ENO4: variants seen among roughly 807,000 people sequenced by gnomAD.
The protein encoded by ENO4 is 2-phospho-D-glycerate hydro-lyase.
In ENO4, 53 loss-of-function variants were observed where a neutral mutation model predicts 63.2. That is an observed-to-expected ratio of 0.84 (90% CI 0.67 to 1.05). ENO4 has a LOEUF of 1.05. Ranked by LOEUF, ENO4 falls within the 50% of genes least tolerant of loss-of-function variation. ENO4 has a pLI of 0.00. For missense variants in ENO4, 719 were observed against 772.0 expected, an observed-to-expected ratio of 0.93 and a Z score of 0.81; for synonymous variants, 266 against 283.8, an observed-to-expected ratio of 0.94 and a Z score of 0.63.
chr10:116,909,873 G>GT (rs1007707594), intron 10 of ENO4, among the ~76,000 whole-genome samples: 3 of 152,078 alleles, frequency 2.0e-5, no homozygotes, highest in African/African-American at 7.2e-5. Flanking sequence ...CGAACACAGT[G>GT]TTTTTTGGTT....
chr10:116,895,820 T>C (rs959107028), intron 10 of ENO4, among the ~76,000 whole-genome samples: 7 of 152,182 alleles, frequency 4.6e-5, no homozygotes, highest in African/African-American at 9.7e-5. Flanking sequence ...TTTGGGCAAG[T>C]TGTTTACCTC....
At chr10:116,878,740 A>ATAT (rs1554903491) in intron 11 of ENO4, among the ~76,000 whole-genome samples, 1 of 63,576 alleles carries the variant, frequency 1.6e-5, no homozygotes, top group Admixed American at 2.7e-4. Flanking sequence ...CAAATCATAT[A>ATAT]TCTTTTTTTT....
At chr10:116,877,181 G>A (rs1187577726) in intron 11 of ENO4, among the ~76,000 whole-genome samples, 1 of 150,378 alleles carries the variant, frequency 6.6e-6, no homozygotes, top group Non-Finnish European at 1.5e-5. Context: ...GGCAGAACAT[G>A]TGTAGCCTGC....
chr10:116,867,273 G>A (rs908559198), intron 7 of ENO4, among the ~76,000 whole-genome samples: 4 of 152,240 alleles, frequency 2.6e-5, no homozygotes, highest in African/African-American at 9.6e-5. Context: ...TCTTATTAAG[G>A]AAAGATTATA....
Position 116,871,290 on chromosome 10 carries a change from T to C in ENO4, c.1213T>C (p.Tyr405His). 1 of 1,549,234 alleles carries C rather than the reference T, an allele frequency of 6.5e-7. No homozygotes were observed. Among genetic ancestry groups the C allele is most frequent in the Non-Finnish European group, 8.7e-7 (1 of 1,146,212 alleles). The stretch of plus-strand genomic sequence containing the variant: ...CTGTGCTGGACATGAGCTGATGGAC[T>C]ACGTAAGTTTCCACTTCAGAACATT... ...INCAGHELMD[Y>H]NKGKYEVIMG... The change falls in exon 9 of 14, where the codon TAC (tyrosine) becomes CAC (histidine). Residue 405 changes from tyrosine to histidine, a missense_variant and splice_region_variant. Tyr to His is a moderately conservative substitution (Grantham distance 83). Around this residue, in one of 3 missense-constraint regions of ENO4, gnomAD observed 544 missense variants for 583.6 expected, o/e 0.93. Coordinates refer to ENST00000341276, the MANE Select transcript of ENO4 (RefSeq NM_001242699.2).
chr10:116,890,682 G>T (rs1589776536), intron 10 of ENO4, among the ~76,000 whole-genome samples: 1 of 152,204 alleles, frequency 6.6e-6, no homozygotes, highest in Non-Finnish European at 1.5e-5. Flanking sequence ...AAACTTGGGT[G>T]ACCTTTTAGA....
In ENO4 at chr10:116,906,656, C is replaced by T. The variant is rs954569687; in HGVS notation, c.1195-4843C>T. 2.5e-6 allele frequency: 4 copies of T among 1,613,392 alleles called. No homozygotes were observed. The Admixed American group carries it at 5.0e-5, about 20-fold the overall frequency. ...GCTATCTGCTTCTGCTGTCACCTTT[C>T]TGCGACGCAAAATCCTTTCTAACTC... On this transcript the variant is annotated intron_variant, in intron 10 of 10. Transcript: ENST00000369207.
intron 10 of ENO4, among the ~76,000 whole-genome samples, chr10:116,903,588 G>A (rs182704448): frequency 6.6e-6 from 1 of 152,260 alleles, no homozygotes; most frequent in East Asian, 1.9e-4. Flanking sequence ...TGGAGCTGTG[G>A]CAGTTACGAC....
intron 1 of ENO4, among the ~76,000 whole-genome samples, chr10:116,850,770 C>T (rs1846056475): frequency 6.6e-6 from 1 of 152,140 alleles, no homozygotes; most frequent in South Asian, 2.1e-4. Context: ...ACTCAATCCT[C>T]AGTACCACTG....
chr10:116,874,412 A>C (rs1331867169), intron 10 of ENO4, among the ~76,000 whole-genome samples: 1 of 152,214 alleles, frequency 6.6e-6, no homozygotes, highest in Non-Finnish European at 1.5e-5. Flanking sequence ...AAAGGCACTT[A>C]CTAAGCAAAT....
At chr10:116,879,835 C>T in intron 12 of ENO4, 34 bp from the exon 13 acceptor site, 1 of 1,471,220 alleles carries the variant, frequency 6.8e-7, no homozygotes, top group Non-Finnish European at 9.3e-7. Context: ...GACATGGCTC[C>T]TCCGTCTAAA....
chr10:116,888,049 T>C (rs932926036), intron 10 of ENO4, among the ~76,000 whole-genome samples: 1 of 152,252 alleles, frequency 6.6e-6, no homozygotes, highest in African/African-American at 2.4e-5. Context: ...CTCTGGCTAC[T>C]GGGTTATATT....
intron 1 of ENO4, 35 bp downstream of exon 1, chr10:116,849,766 A>G (rs1324053276): frequency 1.4e-6 from 2 of 1,458,424 alleles, no homozygotes; most frequent in African/African-American, 2.9e-5. Flanking sequence ...CCTCCCGCCA[A>G]CCCCTCTCCC....
Position 116,856,503 on chromosome 10 carries a change from TG to T in ENO4, c.307del (p.Val103TrpfsTer2). ...TATATGATTTTCAGAACGTATGTTC[TG>T]TGGTGATCTCGACTCATTTTGAAGT... ...IQNFPKNVCS[V>X]VISTHFEVHE... On this transcript the variant is annotated frameshift_variant, in exon 3 of 14. Coordinates refer to ENST00000341276, the MANE Select transcript of ENO4 (RefSeq NM_001242699.2). LOFTEE classifies it high-confidence loss of function. The T allele has an allele frequency of 6.5e-7, 1 of 1,536,050 alleles. No individual in the cohort carries two copies. The highest frequency in any genetic ancestry group is 8.7e-7 in the Non-Finnish European group (1 of 1,146,854).
At position 116,849,592 on chromosome 10, in the gene ENO4, G is replaced by A. The variant is rs1845992431; in HGVS notation, c.26G>A (p.Ser9Asn). The part of the protein sequence containing the change: MEEEGGGR[S>N]CGTTRELQKL... ...ATGGAGGAAGAAGGCGGCGGCCGCA[G>A]CTGTGGGACCACTAGGGAGCTGCAG... The change falls in exon 1 of 14, where the codon AGC becomes AAC. Residue 9 changes from serine (S) to asparagine (N), a missense_variant. Around this residue, in one of 3 missense-constraint regions of ENO4, gnomAD observed 544 missense variants for 583.6 expected, o/e 0.93. Coordinates refer to ENST00000341276, the MANE Select transcript of ENO4 (RefSeq NM_001242699.2). 1 of 1,547,784 alleles carries A rather than the reference G, an allele frequency of 6.5e-7. No homozygotes were observed. Among genetic ancestry groups the A allele is most frequent in the Admixed American group, 2.0e-5 (1 of 50,598 alleles).
intron 10 of ENO4, among the ~76,000 whole-genome samples, chr10:116,874,871 G>A (rs558791974): frequency 1.8e-4 from 28 of 152,044 alleles, no homozygotes; most frequent in African/African-American, 6.0e-4. Context: ...ACAAGGTTTC[G>A]CCATGTTGCC....
intron 8 of ENO4, 53 bp from the exon 9 acceptor site, chr10:116,871,072 C>T: frequency 6.6e-7 from 1 of 1,506,606 alleles, no homozygotes; most frequent in Non-Finnish European, 9.0e-7. Flanking sequence ...CAGGAAGCGC[C>T]AAGAACCTTA....
downstream of ENO4, chr10:116,911,910 T>C: frequency 8.8e-7 from 1 of 1,141,782 alleles, no homozygotes; most frequent in East Asian, 2.3e-5. Context: ...CAATGATTTT[T>C]ACATGGCAAA....
downstream of ENO4, chr10:116,883,990 C>T (rs1040227682): frequency 1.8e-5 from 4 of 224,848 alleles, no homozygotes; most frequent in Admixed American, 5.1e-5. Flanking sequence ...GTTCCTCACT[C>T]GGGCTATAAA....
Sources: gnomAD v4.1 joint callset for allele counts (sites outside exome capture counted in the v4.1 genomes callset) on GRCh38, gnomAD v4.1.1 for gene constraint, gnomAD v4.1.1 regional missense constraint, MANE v1.5 for transcripts, NCBI Gene and HGNC (gene_info 2026-07-23, HGNC 2026-07-21) for gene names.